The following NEK7 variants were observed in gnomAD, a reference collection of about 807,000 sequenced individuals.
NEK7 encodes serine/threonine-protein kinase Nek7.
NEK7 carries 18 observed loss-of-function variants against 44.6 expected under a neutral mutation model. The ratio of observed to expected loss-of-function variants is 0.40; its 90% CI spans 0.28 to 0.60. The LOEUF is 0.60. NEK7 is among the 20% of genes least tolerant of loss of function. The pLI is 0.38. For synonymous variants in NEK7, 130 were observed against 121.1 expected (o/e 1.07, Z -0.48); for missense variants, 256 against 366.5 (o/e 0.70, Z 2.46).
chr1:198,293,130 T>A, intron 8 of NEK7, 91 bp downstream of exon 8: 1 of 659,032 alleles, frequency 1.5e-6, no homozygotes, highest in Non-Finnish European at 2.6e-6. Context: ...TTTTTCTGGA[T>A]GTTTAAGAAT....
chr1:198,250,458 A>C (rs1370769116), intron 2 of NEK7, among the ~76,000 whole-genome samples: 1 of 151,768 alleles, frequency 6.6e-6, no homozygotes, highest in African/African-American at 2.4e-5. Context: ...TGAATCTATA[A>C]ATTACCTTGG....
At chr1:198,206,763 G>C (rs1052710527) in intron 1 of NEK7, 2 of 151,794 alleles carry the variant, frequency 1.3e-5, no homozygotes, top group African/African-American at 2.4e-5. Context: ...ATATCCAAAA[G>C]CTTATGTTTA....
At chr1:198,191,766 T>G (rs1358056803) in intron 1 of NEK7, among the ~76,000 whole-genome samples, 2 of 152,094 alleles carry the variant, frequency 1.3e-5, no homozygotes, top group Non-Finnish European at 2.9e-5. Context: ...TCATATTTAG[T>G]TCTTTAATCT....
intron 3 of NEK7, chr1:198,256,358 G>C: frequency 6.2e-7 from 1 of 1,611,482 alleles, no homozygotes; most frequent in South Asian, 1.1e-5. Flanking sequence ...GGAAAGAAGA[G>C]TGTGTGCGCT....
rs201583122 is a variant in NEK7 at position 198,232,593 on chromosome 1, T to C, written c.13T>C (p.Ser5Pro). 1.2e-6 allele frequency: 2 copies of C among 1,605,900 alleles called. No individual in the cohort carries two copies. Among genetic ancestry groups the C allele is most frequent in the Admixed American group, 1.7e-5 (1 of 59,962 alleles). Residue 5 changes from serine to proline, a missense_variant, in exon 2 of 10, where the codon TCA becomes CCA. Physicochemically the swap from Ser to Pro is moderately conservative, Grantham distance 74 (BLOSUM62 -1). Coordinates refer to ENST00000367385, the MANE Select transcript of NEK7 (RefSeq NM_133494.3). MDEQ[S>P]QGMQGPPVPQ... The stretch of plus-strand genomic sequence containing the variant: ...GTTGCTTCAGACAATGGATGAGCAA[T>C]CACAAGGAATGCAAGGGCCACCTGT...
At chr1:198,226,061 C>T (rs1245001838) in intron 1 of NEK7, among the ~76,000 whole-genome samples, 1 of 151,812 alleles carries the variant, frequency 6.6e-6, no homozygotes, top group Non-Finnish European at 1.5e-5. Context: ...CAAATGTGTC[C>T]CTGAAACATG....
chr1:198,204,717 C>CAAACAAAAAAAAAAAAAAAA (rs1665540659), intron 1 of NEK7, among the ~76,000 whole-genome samples: 1 of 87,890 alleles, frequency 1.1e-5, no homozygotes, highest in African/African-American at 4.0e-5. Context: ...GACTCCGTCT[C>CAAACAAAAAAAAAAAAAAAA]AAAAAAAAAA....
chr1:198,277,246 T>G (rs1368126559), intron 5 of NEK7, among the ~76,000 whole-genome samples: 1 of 151,724 alleles, frequency 6.6e-6, no homozygotes, highest in African/African-American at 2.4e-5. Context: ...TCTAGCAGAT[T>G]TATTGTAGAA....
intron 1 of NEK7, among the ~76,000 whole-genome samples, chr1:198,177,749 C>T (rs1664646238): frequency 6.6e-6 from 1 of 151,826 alleles, no homozygotes; most frequent in Middle Eastern, 3.2e-3. Flanking sequence ...CTCAGCTAAC[C>T]TCGGGTTGTG....
At chr1:198,178,237 C>G (rs535802961) in intron 1 of NEK7, among the ~76,000 whole-genome samples, 1 of 152,082 alleles carries the variant, frequency 6.6e-6, no homozygotes, top group East Asian at 1.9e-4. Context: ...CTTTATAAAT[C>G]GACTCAAGCC....
intron 9 of NEK7, among the ~76,000 whole-genome samples, chr1:198,308,810 C>T (rs939816888): frequency 1.3e-5 from 2 of 152,134 alleles, no homozygotes; most frequent in South Asian, 2.1e-4. Flanking sequence ...GGCCAAGAAT[C>T]GAATTCTGTT....
At position 198,321,157 on chromosome 1, in the gene NEK7, T is replaced by C. The variant is rs921576607; in HGVS notation, c.*1635T>C. 6.6e-6 allele frequency: 1 copy of C among 152,236 alleles called. No individual in the cohort carries two copies. The highest frequency in any genetic ancestry group is 2.4e-5 in the African/African-American group (1 of 41,456). 9.4% of individuals were successfully genotyped at this position (152,236 alleles called of 1,614,324 possible). ...GTTTTTCTTACACTCATTTGAATGC[T>C]TTCAAGCATTTGTAAACTTAAAAAA... is the stretch of plus-strand genomic sequence containing the variant. On this transcript the variant is annotated 3_prime_UTR_variant, in exon 10 of 10. Transcript: ENST00000367385.
intron 9 of NEK7, 131 bp from the exon 10 acceptor site, chr1:198,319,280 AG>A (rs1465888184): frequency 3.4e-6 from 2 of 595,158 alleles, no homozygotes; most frequent in African/African-American, 1.9e-5. Flanking sequence ...ATATATTTCT[AG>A]TACAGTGAAT....
At position 198,264,174 on chromosome 1, in the gene NEK7, A is replaced by G. The variant is rs1456116271; in HGVS notation, c.311A>G (p.Asp104Gly). ...AAATATTATGCATCATTCATTGAAGATAATGAACTAAACATAGTTTTGGAA... is the reference window on the plus strand; with the variant it reads ...AAATATTATGCATCATTCATTGAAGGTAATGAACTAAACATAGTTTTGGAA... Reference protein sequence around the residue: ...VIKYYASFIEDNELNIVLELA... With the variant: ...VIKYYASFIEGNELNIVLELA... The change falls in exon 5 of 10, where the codon GAT becomes GGT. Residue 104 changes from aspartate (D) to glycine (G), a missense_variant. Transcript: ENST00000367385. The G allele has an allele frequency of 1.2e-6, 2 of 1,606,950 alleles. No individual in the cohort carries two copies. Among genetic ancestry groups the G allele is most frequent in the Admixed American group, 3.4e-5 (2 of 59,104 alleles).
intron 1 of NEK7, among the ~76,000 whole-genome samples, chr1:198,180,958 A>C (rs1349816325): frequency 6.6e-6 from 1 of 152,102 alleles, no homozygotes; most frequent in Admixed American, 6.6e-5. Flanking sequence ...TTCTAGTGTA[A>C]GAGAGATATC....
intron 7 of NEK7, among the ~76,000 whole-genome samples, chr1:198,283,611 A>G (rs570718785): frequency 1.3e-5 from 2 of 152,234 alleles, no homozygotes; most frequent in African/African-American, 4.8e-5. Context: ...ATATTTTGAC[A>G]TAAGTGTAGG....
chr1:198,231,715 T>C (rs776058645), intron 1 of NEK7, among the ~76,000 whole-genome samples: 2 of 151,892 alleles, frequency 1.3e-5, no homozygotes, highest in African/African-American at 2.4e-5. Flanking sequence ...AGTCACAGGG[T>C]AGAGGAAGAA....
intron 1 of NEK7, among the ~76,000 whole-genome samples, chr1:198,166,586 T>C (rs991026245): frequency 6.6e-6 from 1 of 152,182 alleles, no homozygotes; most frequent in Non-Finnish European, 1.5e-5. Context: ...TATTGTTGTG[T>C]CTCAGGGAAT....
At chr1:198,185,495 GTCTTAC>G (rs1345882254) in intron 1 of NEK7, among the ~76,000 whole-genome samples, 1 of 151,988 alleles carries the variant, frequency 6.6e-6, no homozygotes, top group African/African-American at 2.4e-5. Context: ...ATCTATGAAA[GTCTTAC>G]TCTGACTTGT....
Sources: allele counts gnomAD v4.1 joint callset (sites outside exome capture counted in the v4.1 genomes callset), GRCh38; gene constraint gnomAD v4.1.1; transcripts MANE v1.5; gene names NCBI Gene and HGNC (gene_info 2026-07-23, HGNC 2026-07-21).